The following PIEZO2 variants were observed in gnomAD, a reference collection of about 807,000 sequenced individuals.
PIEZO2 encodes the protein piezo-type mechanosensitive ion channel component 2.
Under a neutral mutation model 337.3 loss-of-function variants are expected in PIEZO2, and 172 were observed. That is an observed-to-expected ratio of 0.51 (90% CI 0.45 to 0.58). The LOEUF (loss-of-function observed/expected upper bound fraction) is 0.58. Ranked by LOEUF, PIEZO2 falls within the 20% of genes least tolerant of loss-of-function variation. PIEZO2 has a pLI of 0.00. For synonymous variants in PIEZO2, 1,251 were observed against 1,228.5 expected (o/e 1.02, Z -0.38); for missense variants, 3,028 against 3,391.3 (o/e 0.89, Z 2.66).
Position 10,676,407 on chromosome 18 carries a change from A to C in PIEZO2, c.8082-1119T>G, listed in dbSNP as rs910707613. On this transcript the variant is annotated intron_variant, in intron 53 of 55. Transcript: ENST00000674853. This position sits in a 1 kb window ranked among gnomAD's most constrained non-coding sequence, Gnocchi z 5.1. The stretch of plus-strand genomic sequence containing the variant: ...TGTTTAGCAGTTTTAGATCCATATC[A>C]TTTTTTTCTTGCTAGTTCATATATT... Among the ~76,000 whole-genome samples the C allele has an allele frequency of 3.7e-4, 57 of 152,044 alleles. No individual in the cohort carries two copies. The highest frequency in any genetic ancestry group is 1.2e-3 in the African/African-American group (49 of 41,384).
In PIEZO2 at chr18:10,835,817, G is replaced by A. The variant is rs61678014; in HGVS notation, c.917+19536C>T. ...CCTTGGCCTACGGGCATGAGCCAGC[G>A]CGTCCAGCCTGAGTTCTTACATTGA... On this transcript the variant is annotated intron_variant, in intron 7 of 55. Coordinates refer to ENST00000674853, the MANE Select transcript of PIEZO2 (RefSeq NM_001378183.1). Among the ~76,000 whole-genome samples, 105 of 152,324 alleles carry A rather than the reference G, an allele frequency of 6.9e-4. No homozygotes were observed. In the East Asian group the frequency reaches 0.016, roughly 24 times the overall value.
intron 7 of PIEZO2, among the ~76,000 whole-genome samples, chr18:10,827,946 T>C (rs1048443786): frequency 1.3e-5 from 2 of 152,140 alleles, no homozygotes; most frequent in African/African-American, 4.8e-5. Flanking sequence ...TAAAAATCTG[T>C]CCTGTGCAAA....
At chr18:10,941,823 G>A (rs184553755) in intron 3 of PIEZO2, among the ~76,000 whole-genome samples, 30 of 152,318 alleles carry the variant, frequency 2.0e-4, no homozygotes, top group East Asian at 7.7e-4. Flanking sequence ...GACTGATACC[G>A]TTTGGCTCTG....
chr18:11,038,651 G>A lies in PIEZO2; in HGVS notation c.160+27476C>T, dbSNP rs149529433. On this transcript the variant is annotated intron_variant, in intron 2 of 55. Transcript: ENST00000674853. The surrounding 1 kb of genome is among the most constrained non-coding windows in gnomAD (Gnocchi z 4.1). ...GAGCATTCCATCAGAGCCCAGAAAC[G>A]TGGCTTCCTCTACTGGCCCTACCAC... is the stretch of plus-strand genomic sequence containing the variant. 3.3e-5 allele frequency among the ~76,000 whole-genome samples: 5 copies of A among 152,270 alleles called. No homozygotes were observed. Among genetic ancestry groups the A allele is most frequent in the African/African-American group, 7.2e-5 (3 of 41,548 alleles).
At chr18:11,103,953 G>C (rs1367149584) in intron 1 of PIEZO2, among the ~76,000 whole-genome samples, 1 of 152,104 alleles carries the variant, frequency 6.6e-6, no homozygotes, top group Non-Finnish European at 1.5e-5. Context: ...AGCCTCCCGA[G>C]TAGCTGGAAC....
chr18:10,817,901 C>T (rs891932862), intron 7 of PIEZO2, among the ~76,000 whole-genome samples: 10 of 141,838 alleles, frequency 7.1e-5, no homozygotes, highest in Non-Finnish European at 1.5e-4. Context: ...CCAGCCTGGG[C>T]GACAGAGCAA....
At position 10,759,505 on chromosome 18, in the gene PIEZO2, C is replaced by T. The variant is rs371101691; in HGVS notation, c.3734G>A (p.Arg1245Gln). The T allele has an allele frequency of 1.3e-4, 199 of 1,537,050 alleles. 3 individuals carry two copies. The highest frequency in any genetic ancestry group is 1.0e-3 in the East Asian group (41 of 40,914). ...ACAGACGAGAAACACAGGGTTGGGC[C>T]GCACAATGAAATCTGGGAAGTACAG... The part of the protein sequence containing the change: ...KWLYFPDFIV[R>Q]PNPVFLVYDF... Residue 1245 changes from arginine to glutamine, a missense_variant, in exon 26 of 56, where the codon CGG (arginine) becomes CAG (glutamine). Physicochemically the swap from Arg to Gln is conservative, Grantham distance 43. Around this residue, in one of 5 missense-constraint regions of PIEZO2, gnomAD observed 1,925 missense variants for 2,051.9 expected, o/e 0.94. Transcript: ENST00000674853. This position sits in a 1 kb window ranked among gnomAD's most constrained non-coding sequence, Gnocchi z 5.5.
intron 3 of PIEZO2, among the ~76,000 whole-genome samples, chr18:10,972,172 C>CAAAA (rs71169963): frequency 3.3e-5 from 3 of 90,482 alleles, no homozygotes; most frequent in Admixed American, 1.2e-4. Context: ...GACTCCGCCT[C>CAAAA]AAAAAAAAAA....
chr18:10,758,876 G>T (rs958832474), intron 26 of PIEZO2, among the ~76,000 whole-genome samples: 3 of 152,180 alleles, frequency 2.0e-5, no homozygotes, highest in African/African-American at 7.2e-5. Context: ...CTGAGGCCAA[G>T]CCTGCCTGGA....
At chr18:10,832,550 G>C (rs553808595) in intron 7 of PIEZO2, among the ~76,000 whole-genome samples, 1 of 152,292 alleles carries the variant, frequency 6.6e-6, no homozygotes, top group Non-Finnish European at 1.5e-5. Context: ...TTTTGATAGA[G>C]ACCCAATTGG....
chr18:10,769,272 C>T (rs775045399), intron 21 of PIEZO2, among the ~76,000 whole-genome samples: 6 of 152,198 alleles, frequency 3.9e-5, no homozygotes, highest in Non-Finnish European at 5.9e-5. Context: ...CCACGAATCT[C>T]GCAGATAGAA....
At chr18:10,725,735 G>A (rs1378691903) in intron 36 of PIEZO2, among the ~76,000 whole-genome samples, 1 of 152,214 alleles carries the variant, frequency 6.6e-6, no homozygotes, top group Admixed American at 6.5e-5. Flanking sequence ...CTCCACAGTG[G>A]CGGCAGGGCT....
intron 2 of PIEZO2, among the ~76,000 whole-genome samples, chr18:11,018,232 TG>T (rs2036189944): frequency 6.6e-6 from 1 of 151,346 alleles, no homozygotes; most frequent in Non-Finnish European, 1.5e-5. Flanking sequence ...TGTGTGTGTG[TG>T]TGTGTGTGTG....
At chr18:10,990,261 T>C (rs577051013) in intron 2 of PIEZO2, among the ~76,000 whole-genome samples, 1 of 152,348 alleles carries the variant, frequency 6.6e-6, no homozygotes, top group South Asian at 2.1e-4. Context: ...TATGTTTATG[T>C]ATATTTTAAA....
chr18:11,113,627 T>C (rs939202340), intron 1 of PIEZO2, among the ~76,000 whole-genome samples: 1 of 152,212 alleles, frequency 6.6e-6, no homozygotes, highest in African/African-American at 2.4e-5. Context: ...ATGATACCCT[T>C]ACCTCTACCA....
At chr18:10,701,916 T>C in intron 43 of PIEZO2, 73 bp downstream of exon 43, 2 of 1,323,922 alleles carry the variant, frequency 1.5e-6, no homozygotes, top group Non-Finnish European at 2.0e-6. Flanking sequence ...GTCCAGGTTA[T>C]CTAGGAAGAT....
At chr18:11,000,460 A>G (rs984270126) in intron 2 of PIEZO2, among the ~76,000 whole-genome samples, 1 of 152,244 alleles carries the variant, frequency 6.6e-6, no homozygotes. Flanking sequence ...AAACTGATAT[A>G]ATCAGAGAGG....
Position 10,795,071 on chromosome 18 carries a change from G to A in PIEZO2, c.1528-69C>T, listed in dbSNP as rs777866189. On this transcript the variant is annotated intron_variant, in intron 12 of 55. Transcript: ENST00000674853. This position sits in a 1 kb window ranked among gnomAD's most constrained non-coding sequence, Gnocchi z 4.4. ...GCTCAGTCCCCCCCGCCCTGGTAAG[G>A]TAAAAACTATCTAAAAAGAAAAGGT... 5 of 1,288,800 alleles carry A rather than the reference G, an allele frequency of 3.9e-6. No individual in the cohort carries two copies. Among genetic ancestry groups the A allele is most frequent in the Non-Finnish European group, 1.1e-6 (1 of 930,104 alleles). The allele number at this position is 1,288,800 out of a possible 1,614,324, so 79.8% of individuals were successfully genotyped here. A position where few individuals can be genotyped will look rare whatever the true frequency, so the allele number is the denominator to read the frequency against.
intron 3 of PIEZO2, among the ~76,000 whole-genome samples, chr18:10,955,189 A>G (rs953322355): frequency 6.6e-6 from 1 of 152,222 alleles, no homozygotes; most frequent in Non-Finnish European, 1.5e-5. Context: ...GTTTAAACAG[A>G]AAGAGTTTCT....
Sources: allele counts gnomAD v4.1 joint callset (sites outside exome capture counted in the v4.1 genomes callset), GRCh38; gene constraint gnomAD v4.1.1; regional missense constraint gnomAD v4.1.1; non-coding constraint Gnocchi (gnomAD v3.1); transcripts MANE v1.5; gene names NCBI Gene and HGNC (gene_info 2026-07-23, HGNC 2026-07-21).